LINGO2: variants seen among roughly 807,000 people sequenced by gnomAD.
LINGO2 encodes leucine-rich repeat and immunoglobulin-like domain-containing nogo receptor-interacting protein 2.
A neutral mutation model predicts 30.6 loss-of-function variants in LINGO2; 14 were observed. The ratio of observed to expected loss-of-function variants is 0.46; its 90% confidence interval spans 0.30 to 0.72. The LOEUF (loss-of-function observed/expected upper bound fraction) is 0.72, where lower values mean the gene tolerates loss of function less well. LINGO2 is among the 30% of genes least tolerant of loss of function. The pLI, the probability that LINGO2 is intolerant of heterozygous loss-of-function variation, is 0.07. For missense variants in LINGO2, 729 were observed against 751.7 expected, an observed-to-expected ratio of 0.97 and a Z score of 0.35; for synonymous variants, 317 against 288.5, an observed-to-expected ratio of 1.10 and a Z score of -1.00.
At chr9:28,559,389 C>A (rs1366101345) in intron 1 of LINGO2, among the ~76,000 whole-genome samples, 1 of 152,052 alleles carries the variant, frequency 6.6e-6, no homozygotes, top group Non-Finnish European at 1.5e-5. Flanking sequence ...CTGTTAGAAA[C>A]AATGCATTTT....
At chr9:28,002,187 T>C (rs1216549932) in intron 5 of LINGO2, among the ~76,000 whole-genome samples, 1 of 152,166 alleles carries the variant, frequency 6.6e-6, no homozygotes, top group Non-Finnish European at 1.5e-5. Flanking sequence ...TAGGCAGATT[T>C]ATACACTAAT....
At chr9:28,312,688 A>C (rs1311506209) in intron 3 of LINGO2, among the ~76,000 whole-genome samples, 1 of 152,156 alleles carries the variant, frequency 6.6e-6, no homozygotes, top group African/African-American at 2.4e-5. Flanking sequence ...ACAGAGTGCA[A>C]TTATTATAAT....
intron 1 of LINGO2, among the ~76,000 whole-genome samples, chr9:28,573,790 C>T (rs1446842762): frequency 1.3e-5 from 2 of 151,978 alleles, no homozygotes; most frequent in African/African-American, 4.8e-5. Flanking sequence ...GAACCACTTA[C>T]CTGACAAATT....
chr9:28,234,147 C>T (rs1469243129), intron 4 of LINGO2, among the ~76,000 whole-genome samples: 1 of 152,046 alleles, frequency 6.6e-6, no homozygotes, highest in Non-Finnish European at 1.5e-5. Context: ...TCCTGGAGTC[C>T]AGGCCTAGAC....
intron 3 of LINGO2, among the ~76,000 whole-genome samples, chr9:28,336,262 G>T (rs879089662): frequency 1.3e-5 from 2 of 151,944 alleles, no homozygotes; most frequent in African/African-American, 4.8e-5. Context: ...TTTCCAATTG[G>T]ATTATATGTT....
chr9:28,237,538 T>G (rs1399476447), intron 4 of LINGO2, among the ~76,000 whole-genome samples: 5 of 151,928 alleles, frequency 3.3e-5, no homozygotes, highest in Non-Finnish European at 5.9e-5. Flanking sequence ...CAAGGCCCAG[T>G]GATCTGTTGC....
chr9:28,954,062 A>G, the LINGO2 span, among the ~76,000 whole-genome samples: 4 of 152,200 alleles, frequency 2.6e-5, no homozygotes, highest in Non-Finnish European at 4.4e-5. Flanking sequence ...CACCTATGGT[A>G]GCACAAAGAA....
At chr9:28,062,976 T>C (rs542147069) in intron 4 of LINGO2, among the ~76,000 whole-genome samples, 9 of 151,962 alleles carry the variant, frequency 5.9e-5, no homozygotes, top group African/African-American at 2.2e-4. Flanking sequence ...ATTTACTTAA[T>C]ATATTTTTAT....
chr9:29,110,125 C>T, the LINGO2 span, among the ~76,000 whole-genome samples: 2 of 152,012 alleles, frequency 1.3e-5, no homozygotes, highest in Admixed American at 1.3e-4. Context: ...ATATGCAAGA[C>T]GTGCATGTGA....
At chr9:29,195,497 A>G in the LINGO2 span, among the ~76,000 whole-genome samples, 1 of 151,876 alleles carries the variant, frequency 6.6e-6, no homozygotes. Flanking sequence ...AATTTTTCCC[A>G]TTATTAACTT....
At chr9:28,408,096 A>G (rs1822586763) in intron 2 of LINGO2, among the ~76,000 whole-genome samples, 1 of 152,122 alleles carries the variant, frequency 6.6e-6, no homozygotes, top group Admixed American at 6.6e-5. Context: ...CTGTAAAGGG[A>G]GGAGGCAGTG....
chr9:28,042,318 G>A (rs1443565144), intron 4 of LINGO2, among the ~76,000 whole-genome samples: 1 of 152,046 alleles, frequency 6.6e-6, no homozygotes, highest in East Asian at 1.9e-4. Flanking sequence ...GCTCCCTTTT[G>A]CTCTACCCTG....
intron 4 of LINGO2, among the ~76,000 whole-genome samples, chr9:28,190,309 A>C (rs933065708): frequency 2.0e-5 from 3 of 152,302 alleles, no homozygotes; most frequent in South Asian, 4.1e-4. Flanking sequence ...AGAGTTGCAC[A>C]GTATTTTACT....
the LINGO2 span, among the ~76,000 whole-genome samples, chr9:29,034,465 G>A: frequency 6.6e-6 from 1 of 152,110 alleles, no homozygotes; most frequent in African/African-American, 2.4e-5. Context: ...AAGCATTTGA[G>A]CTTGCAAAGC....
chr9:28,749,465 T>C, the LINGO2 span, among the ~76,000 whole-genome samples: 1 of 152,054 alleles, frequency 6.6e-6, no homozygotes, highest in Non-Finnish European at 1.5e-5. Context: ...CTATAGGTGG[T>C]AGGAACCATA....
At chr9:28,937,604 C>A in the LINGO2 span, among the ~76,000 whole-genome samples, 1 of 152,194 alleles carries the variant, frequency 6.6e-6, no homozygotes, top group South Asian at 2.1e-4. Flanking sequence ...ACCCACTCAG[C>A]CATGGGTGGC....
the LINGO2 span, among the ~76,000 whole-genome samples, chr9:28,916,516 G>C: frequency 6.6e-6 from 1 of 152,086 alleles, no homozygotes; most frequent in African/African-American, 2.4e-5. Flanking sequence ...ATTGACTCTA[G>C]TCTTTAGATA....
the LINGO2 span, among the ~76,000 whole-genome samples, chr9:29,044,491 C>A: frequency 6.6e-6 from 1 of 151,906 alleles, no homozygotes; most frequent in Non-Finnish European, 1.5e-5. Context: ...TCATACATTG[C>A]TAGTGAGAAT....
At chr9:28,937,711 C>T in the LINGO2 span, among the ~76,000 whole-genome samples, 1 of 152,214 alleles carries the variant, frequency 6.6e-6, no homozygotes, top group South Asian at 2.1e-4. Context: ...AGCCTTGCAC[C>T]TTTGCATCTG....
Sources: allele counts gnomAD v4.1 joint callset (sites outside exome capture counted in the v4.1 genomes callset), GRCh38; gene constraint gnomAD v4.1.1; transcripts MANE v1.5; gene names NCBI Gene and HGNC (gene_info 2026-07-23, HGNC 2026-07-21).